CPNE8: variants seen among roughly 807,000 people sequenced by gnomAD.
The protein encoded by CPNE8 is copine 8.
CPNE8 carries 45 observed loss-of-function variants against 81.5 expected under a neutral mutation model. The observed-to-expected ratio is 0.55, with a 90% CI of 0.44 to 0.71. The LOEUF is 0.71. Among genes scored for constraint, CPNE8 ranks in the 30% least tolerant of loss-of-function variants. The probability of loss-of-function intolerance (pLI) is 0.00; values close to 1 mark genes in which losing one functional copy is unlikely to be tolerated. For missense variants in CPNE8, 594 were observed against 672.1 expected (o/e 0.88, Z 1.28); for synonymous variants, 252 against 226.3 (o/e 1.11, Z -1.02).
chr12:38,733,206 C>T (rs1172287092), intron 10 of CPNE8, among the ~76,000 whole-genome samples: 2 of 151,818 alleles, frequency 1.3e-5, no homozygotes, highest in African/African-American at 4.8e-5. Context: ...TGTTATAGAT[C>T]TCTTTTAATA....
intron 11 of CPNE8, chr12:38,726,710 A>AAATC (rs1245994433): frequency 6.6e-6 from 1 of 152,194 alleles, no homozygotes; most frequent in African/African-American, 2.4e-5. Context: ...TTCCACCTAC[A>AAATC]AATCATTAAT....
chr12:38,741,053 C>G (rs1046799008), intron 10 of CPNE8, among the ~76,000 whole-genome samples: 2 of 152,128 alleles, frequency 1.3e-5, no homozygotes, highest in African/African-American at 4.8e-5. Flanking sequence ...AATGGAAGAA[C>G]ATTCCATGCT....
intron 15 of CPNE8, among the ~76,000 whole-genome samples, chr12:38,693,081 T>C (rs1246514390): frequency 6.6e-6 from 1 of 152,160 alleles, no homozygotes; most frequent in Non-Finnish European, 1.5e-5. Context: ...CAACCCCAGC[T>C]TTTCAGCTAT....
chr12:38,829,110 T>C (rs1943245312), intron 6 of CPNE8, among the ~76,000 whole-genome samples: 1 of 152,234 alleles, frequency 6.6e-6, no homozygotes, highest in Non-Finnish European at 1.5e-5. Flanking sequence ...CGAAATCTGA[T>C]AATTAATAGT....
At chr12:38,750,710 CACTT>C (rs1161301981) in intron 10 of CPNE8, among the ~76,000 whole-genome samples, 1 of 152,190 alleles carries the variant, frequency 6.6e-6, no homozygotes, top group African/African-American at 2.4e-5. Flanking sequence ...GGAAGTAACT[CACTT>C]GTTTTTTATT....
At chr12:38,687,441 G>A (rs1415177433) in intron 15 of CPNE8, among the ~76,000 whole-genome samples, 3 of 143,090 alleles carry the variant, frequency 2.1e-5, no homozygotes, top group African/African-American at 7.8e-5. Context: ...GAGTGTAATG[G>A]CCGGATCTCG....
intron 10 of CPNE8, among the ~76,000 whole-genome samples, chr12:38,733,800 A>G (rs1940891335): frequency 6.6e-6 from 1 of 152,004 alleles, no homozygotes; most frequent in Admixed American, 6.6e-5. Flanking sequence ...TAAAGTGATT[A>G]AACTGTTGAA....
chr12:38,886,729 G>T (rs527583068), intron 1 of CPNE8, among the ~76,000 whole-genome samples: 3 of 152,184 alleles, frequency 2.0e-5, no homozygotes, highest in Admixed American at 1.3e-4. Context: ...AATGAAAAAT[G>T]AATCCTCTTG....
chr12:38,697,808 C>G (rs58865411), intron 14 of CPNE8, among the ~76,000 whole-genome samples: 1 of 148,680 alleles, frequency 6.7e-6, no homozygotes, highest in Non-Finnish European at 1.5e-5. Flanking sequence ...ACCTCCTCCT[C>G]TCTCTCTCTC....
intron 6 of CPNE8, among the ~76,000 whole-genome samples, chr12:38,798,757 T>C (rs1942572294): frequency 6.6e-6 from 1 of 152,038 alleles, no homozygotes; most frequent in South Asian, 2.1e-4. Flanking sequence ...GACTGGCAAA[T>C]TGGATAAAGA....
At chr12:38,874,891 T>C (rs1309568966) in intron 1 of CPNE8, among the ~76,000 whole-genome samples, 2 of 152,190 alleles carry the variant, frequency 1.3e-5, no homozygotes, top group African/African-American at 4.8e-5. Flanking sequence ...TTGTGAGTTG[T>C]TATTAATGCA....
At chr12:38,724,041 G>A (rs1187143897) in intron 12 of CPNE8, among the ~76,000 whole-genome samples, 5 of 152,080 alleles carry the variant, frequency 3.3e-5, no homozygotes, top group Non-Finnish European at 1.5e-5. Flanking sequence ...GTCTTTCTAT[G>A]ACCAGTTTAC....
intron 1 of CPNE8, among the ~76,000 whole-genome samples, chr12:38,902,401 AAG>A (rs1944501316): frequency 7.1e-6 from 1 of 140,768 alleles, no homozygotes; most frequent in Admixed American, 6.8e-5. Flanking sequence ...AAGAGAAAGA[AAG>A]AAAGAAAGAA....
At position 38,827,110 on chromosome 12, in the gene CPNE8, G is replaced by A. The variant is rs1055013577; in HGVS notation, c.407+2269C>T. Among the ~76,000 whole-genome samples, 9 of 150,594 alleles carry A rather than the reference G, an allele frequency of 6.0e-5. 1 individual carries two copies. The highest frequency in any genetic ancestry group is 1.3e-4 in the Non-Finnish European group (9 of 67,772). On this transcript the variant is annotated intron_variant, in intron 6 of 19. Coordinates refer to ENST00000331366, the MANE Select transcript of CPNE8 (RefSeq NM_153634.3). ...GCAGAAGAATCACTTGAACCCGGGA[G>A]GCAGAGGTTGCAGTGAGCAGAGATT...
Position 38,675,843 on chromosome 12 carries a change from G to A in CPNE8, c.1375-69C>T. 3.0e-6 allele frequency: 3 copies of A among 1,000,676 alleles called. No individual in the cohort carries two copies. In the East Asian group the frequency reaches 7.2e-5, roughly 24 times the overall value. 62.0% of individuals were successfully genotyped at this position (1,000,676 alleles called of 1,614,324 possible). ...TTCTTAAGAAAATAATTAAAGGCCA[G>A]GCATGATATCTCACTCTTGAAATCC... On this transcript the variant is annotated intron_variant, in intron 17 of 19. Transcript: ENST00000331366.
At chr12:38,681,057 C>T (rs776138770) in intron 16 of CPNE8, among the ~76,000 whole-genome samples, 6 of 151,766 alleles carry the variant, frequency 4.0e-5, no homozygotes, top group South Asian at 2.1e-4. Flanking sequence ...ATATTTAAAT[C>T]GAGTGAAGAA....
chr12:38,742,471 C>A (rs1941129900), intron 10 of CPNE8, among the ~76,000 whole-genome samples: 1 of 145,104 alleles, frequency 6.9e-6, no homozygotes. Context: ...CAGGTTGGAA[C>A]TGAACAATGA....
intron 3 of CPNE8, among the ~76,000 whole-genome samples, chr12:38,868,269 T>G (rs1049255542): frequency 4.6e-5 from 7 of 152,130 alleles, no homozygotes; most frequent in Admixed American, 3.3e-4. Context: ...TTTTTAAATT[T>G]TATTCACTAC....
chr12:38,905,697 C>A (rs1158983118), upstream of CPNE8: 129 of 1,451,894 alleles, frequency 8.9e-5, no homozygotes, highest in Non-Finnish European at 1.1e-4. Context: ...GGCGGACCTC[C>A]GCGCAGAGCC....
Sources: allele counts gnomAD v4.1 joint callset (sites outside exome capture counted in the v4.1 genomes callset), GRCh38; gene constraint gnomAD v4.1.1; transcripts MANE v1.5; gene names NCBI Gene and HGNC (gene_info 2026-07-23, HGNC 2026-07-21).